Variants in TRIM47 observed in about 807,000 individuals in gnomAD.
TRIM47 encodes the protein tripartite motif containing 47.
Under a neutral mutation model 54.4 loss-of-function variants are expected in TRIM47, and 46 were observed. The ratio of observed to expected loss-of-function variants is 0.84; its 90% CI spans 0.67 to 1.08. TRIM47 has a LOEUF of 1.08. Ranked by LOEUF, TRIM47 falls within the 50% of genes least tolerant of loss-of-function variation. The pLI is 0.00. For synonymous variants in TRIM47, 392 were observed against 410.2 expected (o/e 0.96, Z 0.54); for missense variants, 825 against 910.1 (o/e 0.91, Z 1.20).
Position 75,878,205 on chromosome 17 carries a change from CAGGGGGCCG to C in TRIM47, c.335_343del (p.Ser112_Pro114del). 8.1e-7 allele frequency: 1 copy of C among 1,227,928 alleles called. No individual in the cohort carries two copies. Among genetic ancestry groups the C allele is most frequent in the Non-Finnish European group, 1.0e-6 (1 of 985,806 alleles). 76.1% of individuals were successfully genotyped at this position (1,227,928 alleles called of 1,614,324 possible). On this transcript the variant is annotated inframe_deletion, in exon 1 of 6. Coordinates refer to ENST00000254816, the MANE Select transcript of TRIM47 (RefSeq NM_033452.3). The stretch of plus-strand genomic sequence containing the variant: ...GCCCGCGGGCCACGGCTCGGGAGCG[CAGGGGGCCG>C]ACGGCTCCGGGACACTGGGCAGCGC...
chr17:75,874,575 G>A lies in TRIM47; in HGVS notation c.1825C>T (p.Leu609Phe), dbSNP rs1481733052. ...SHFAGLFTHR[L>F]KPAFFLESVD... ...CTCTCCAGGAAGAAGGCAGGCTTGAGTCTGTGGGTGAAGAGCCCCGCAAAG... is the reference window on the plus strand; with the variant it reads ...CTCTCCAGGAAGAAGGCAGGCTTGAATCTGTGGGTGAAGAGCCCCGCAAAG... Residue 609 changes from leucine (L) to phenylalanine (F), a missense_variant, in exon 6 of 6, where the codon CTC becomes TTC. Physicochemically the swap from Leu to Phe is conservative, Grantham distance 22 (BLOSUM62 0). Coordinates refer to ENST00000254816, the MANE Select transcript of TRIM47 (RefSeq NM_033452.3). This position sits in a 1 kb window ranked among gnomAD's most constrained non-coding sequence, Gnocchi z 6.2. 1 of 1,537,772 alleles carries A rather than the reference G, an allele frequency of 6.5e-7. No individual in the cohort carries two copies. The highest frequency in any genetic ancestry group is 1.3e-5 in the South Asian group (1 of 78,954).
At chr17:75,876,863 C>G (rs1410764665) in intron 1 of TRIM47, 50 bp from the exon 2 acceptor site, 1 of 1,584,196 alleles carries the variant, frequency 6.3e-7, no homozygotes, top group Non-Finnish European at 8.6e-7. Flanking sequence ...GGCCACAGCC[C>G]TACACTCGGG....
Position 75,875,449 on chromosome 17 carries a change from C to T in TRIM47, c.1227G>A (p.Glu409=), listed in dbSNP as rs1278593700. The T allele has an allele frequency of 1.2e-6, 2 of 1,614,086 alleles. No individual in the cohort carries two copies. The highest frequency in any genetic ancestry group is 2.7e-5 in the African/African-American group (2 of 75,016). The change falls in exon 5 of 6, where the codon GAG becomes GAA. Residue 409 remains glutamate, a synonymous_variant. Transcript: ENST00000254816. This position sits in a 1 kb window ranked among gnomAD's most constrained non-coding sequence, Gnocchi z 6.1. ...CTTCACTCTCCAAGAGGTTCGTACT[C>T]TCGAGGTCTTGGGGCTCAGCATCAG... ...SEADAEPQDL[E]STNLLESEAP...
rs751573736 is a variant in TRIM47, at chr17:75,876,791, C to G, written c.698G>C (p.Ser233Thr). 2.5e-5 allele frequency: 41 copies of G among 1,614,032 alleles called. No homozygotes were observed. The highest frequency in any genetic ancestry group is 3.1e-5 in the Non-Finnish European group (36 of 1,180,036). ...LQEAEQSKVLSAVEDRMDELG... is the reference protein window; with the variant it reads ...LQEAEQSKVLTAVEDRMDELG... ...CTCGTCCATGCGGTCCTCCACGGCG[C>G]TCAGGACTTTGGACTGCTCAGCCTG... Residue 233 changes from serine (S) to threonine (T), a missense_variant, in exon 2 of 6, where the codon AGC becomes ACC. Coordinates refer to ENST00000254816, the MANE Select transcript of TRIM47 (RefSeq NM_033452.3).
In TRIM47 at chr17:75,878,189, C is replaced by G; in HGVS notation, c.360G>C (p.Trp120Cys). 1 of 1,228,662 alleles carries G rather than the reference C, an allele frequency of 8.1e-7. No homozygotes were observed. Among genetic ancestry groups the G allele is most frequent in the Non-Finnish European group, 1.0e-6 (1 of 986,214 alleles). 76.1% of individuals were successfully genotyped at this position (1,228,662 alleles called of 1,614,324 possible). The change falls in exon 1 of 6, where the codon TGG (tryptophan) becomes TGC (cysteine). Residue 120 changes from tryptophan (W) to cysteine (C), a missense_variant. By Grantham distance (215) the Trp-to-Cys change is radical. Coordinates refer to ENST00000254816, the MANE Select transcript of TRIM47 (RefSeq NM_033452.3). ...EPSAPCAPEP[W>C]PAGEEPVRCD... ...AGCGCACTGGCTCTTCGCCCGCGGGCCACGGCTCGGGAGCGCAGGGGGCCG... is the reference window on the plus strand; with the variant it reads ...AGCGCACTGGCTCTTCGCCCGCGGGGCACGGCTCGGGAGCGCAGGGGGCCG...
At chr17:75,877,653 C>G (rs2143977992) in intron 1 of TRIM47, 9 of 1,225,446 alleles carry the variant, frequency 7.3e-6, no homozygotes, top group Non-Finnish European at 8.1e-6. Context: ...GCCCGCTCTT[C>G]GCGTCCTTGT....
rs1274475127 is a variant in TRIM47, at chr17:75,878,089, CG to C, written c.459del (p.Ala154ArgfsTer24). 7.5e-7 allele frequency: 1 copy of C among 1,332,172 alleles called. No individual in the cohort carries two copies. The highest frequency in any genetic ancestry group is 9.6e-7 in the Non-Finnish European group (1 of 1,045,820). The allele number at this position is 1,332,172 out of a possible 1,614,324, so 82.5% of individuals were successfully genotyped here. ...SCLSCLASFC[P>X]AHLGPHERSP... The stretch of plus-strand genomic sequence containing the variant: ...CTGCGCTCGTGCGGGCCCAGGTGCG[CG>C]GGGCAAAAGGAGGCGAGGCAGGAGA... On this transcript the variant is annotated frameshift_variant, in exon 1 of 6. Coordinates refer to ENST00000254816, the MANE Select transcript of TRIM47 (RefSeq NM_033452.3). LOFTEE classifies it high-confidence loss of function.
Position 75,875,957 on chromosome 17 carries a change from T to C in TRIM47, c.1145A>G (p.Glu382Gly). ...MLAVACVNQW[E>G]QLRGPGGNED... ...GTTGCCACCCGGCCCCCTCAGCTGC[T>C]CCCACTGGTTGACGCAGGCCACGGC... The change falls in exon 4 of 6, where the codon GAG (glutamate) becomes GGG (glycine). Residue 382 changes from glutamate to glycine, a missense_variant. By Grantham distance (98) the Glu-to-Gly change is moderately conservative. Transcript: ENST00000254816. This position sits in a 1 kb window ranked among gnomAD's most constrained non-coding sequence, Gnocchi z 6.1. 6.2e-7 allele frequency: 1 copy of C among 1,610,690 alleles called. No homozygotes were observed. The highest frequency in any genetic ancestry group is 8.5e-7 in the Non-Finnish European group (1 of 1,179,968).
rs1203096376 is a variant in TRIM47 at position 75,875,111 on chromosome 17, A to G, written c.1289T>C (p.Val430Ala). 2.5e-6 allele frequency: 4 copies of G among 1,596,820 alleles called. No individual in the cohort carries two copies. The East Asian group carries it at 9.0e-5, about 36-fold the overall frequency. The change falls in exon 6 of 6, where the codon GTG (valine) becomes GCG (alanine). Residue 430 changes from valine (V) to alanine (A), a missense_variant. Val to Ala is a moderately conservative substitution (Grantham distance 64). Transcript: ENST00000254816. This position sits in a 1 kb window ranked among gnomAD's most constrained non-coding sequence, Gnocchi z 6.1. Reference sequence around the variant, plus strand: ...GTCTGCTGTGTCGCTGTCCAAATCCACAATATAGGCAACTGATCCCGTGGA... The same window carrying G: ...GTCTGCTGTGTCGCTGTCCAAATCCGCAATATAGGCAACTGATCCCGTGGA... ...RDYFLKFAYIVDLDSDTADKF... is the reference protein window; with the variant it reads ...RDYFLKFAYIADLDSDTADKF...
At position 75,878,425 on chromosome 17, in the gene TRIM47, C is replaced by A; in HGVS notation, c.124G>T (p.Ala42Ser). ...CCTCCGGGTCCGCCGGCTCCACTCG[C>A]GCCACGATGCGGCCAGAGCGCGCCC... ...CLGALWPHRG[A>S]SGAGGPGGAA... The change falls in exon 1 of 6, where the codon GCG (alanine) becomes TCG (serine). Residue 42 changes from alanine (A) to serine (S), a missense_variant. Transcript: ENST00000254816. The A allele has an allele frequency of 7.0e-7, 1 of 1,429,522 alleles. No individual in the cohort carries two copies. Among genetic ancestry groups the A allele is most frequent in the East Asian group, 3.0e-5 (1 of 33,140 alleles). 88.6% of individuals were successfully genotyped at this position (1,429,522 alleles called of 1,614,324 possible).
In TRIM47 at chr17:75,875,150, C is replaced by A; in HGVS notation, c.1277-27G>T. The stretch of plus-strand genomic sequence containing the variant: ...TGATCCCGTGGACAGAAGAGAGAGG[C>A]AGGGCTCAGGGCCAGGCTCAGAGGG... On this transcript the variant is annotated intron_variant, in intron 5 of 5. Transcript: ENST00000254816. The surrounding 1 kb of genome is among the most constrained non-coding windows in gnomAD (Gnocchi z 6.1). 6.4e-7 allele frequency: 1 copy of A among 1,562,328 alleles called. No individual in the cohort carries two copies. The highest frequency in any genetic ancestry group is 1.2e-5 in the South Asian group (1 of 82,590).
intron 3 of TRIM47, 21 bp from the exon 4 acceptor site, chr17:75,876,120 T>C (rs372316419): frequency 1.7e-5 from 27 of 1,596,554 alleles, no homozygotes; most frequent in Non-Finnish European, 2.2e-5. Context: ...CAAATGCCCA[T>C]TAAAGTGCTG....
chr17:75,878,033 C>A lies in TRIM47; in HGVS notation c.516G>T (p.Pro172=). The change falls in exon 1 of 6, where the codon CCG becomes CCT. Residue 172 remains proline (P), a synonymous_variant. Transcript: ENST00000254816. Reference sequence around the variant, plus strand: ...GGCTCTCCTCTAGCCGGCGCAGCGGCGGCACCAGGCGGTGTCCGCGGAGGG... The same window carrying A: ...GGCTCTCCTCTAGCCGGCGCAGCGGAGGCACCAGGCGGTGTCCGCGGAGGG... ...SPALRGHRLV[P]PLRRLEESLC... 1 of 1,415,052 alleles carries A rather than the reference C, an allele frequency of 7.1e-7. No homozygotes were observed. The highest frequency in any genetic ancestry group is 9.2e-7 in the Non-Finnish European group (1 of 1,087,726). The allele number at this position is 1,415,052 out of a possible 1,614,324, so 87.7% of individuals were successfully genotyped here.
Position 75,875,458 on chromosome 17 carries a change from T to C in TRIM47, c.1218A>G (p.Gln406=). 6.2e-7 allele frequency: 1 copy of C among 1,614,090 alleles called. No individual in the cohort carries two copies. Among genetic ancestry groups the C allele is most frequent in the Non-Finnish European group, 8.5e-7 (1 of 1,179,976 alleles). Reference sequence around the variant, plus strand: ...CCAAGAGGTTCGTACTCTCGAGGTCTTGGGGCTCAGCATCAGCTGTAGAAG... The same window carrying C: ...CCAAGAGGTTCGTACTCTCGAGGTCCTGGGGCTCAGCATCAGCTGTAGAAG... ...KLDSEADAEP[Q]DLESTNLLES... Residue 406 remains glutamine, a synonymous_variant, in exon 5 of 6, where the codon CAA becomes CAG. Transcript: ENST00000254816. The surrounding 1 kb of genome is among the most constrained non-coding windows in gnomAD (Gnocchi z 6.1).
In TRIM47 at chr17:75,874,643, G is replaced by A. The variant is rs751883252; in HGVS notation, c.1757C>T (p.Pro586Leu). 8 of 1,589,782 alleles carry A rather than the reference G, an allele frequency of 5.0e-6. No individual in the cohort carries two copies. The highest frequency in any genetic ancestry group is 2.2e-5 in the East Asian group (1 of 44,450). ...KASRPRRGGI[P>L]ASPIDPFQSR... ...CTGGAAGGGGTCAATGGGGGAGGCC[G>A]GGATGCCACCCCGGCGGGGCCGGGA... Residue 586 changes from proline (P) to leucine (L), a missense_variant, in exon 6 of 6, where the codon CCG becomes CTG. Coordinates refer to ENST00000254816, the MANE Select transcript of TRIM47 (RefSeq NM_033452.3). This position sits in a 1 kb window ranked among gnomAD's most constrained non-coding sequence, Gnocchi z 6.2.
In TRIM47 at chr17:75,876,500, GGAC is replaced by G; in HGVS notation, c.772-11_772-9del. 3.1e-6 allele frequency: 5 copies of G among 1,591,848 alleles called. No homozygotes were observed. The highest frequency in any genetic ancestry group is 4.3e-6 in the Non-Finnish European group (5 of 1,170,776). ...CTCTGCTACGGCTGCACTCTGCACA[GGAC>G]GACAGTAGAGGGGGCAATGAGGGCA... is the stretch of plus-strand genomic sequence containing the variant. On this transcript the variant is annotated splice_polypyrimidine_tract_variant and intron_variant, in intron 2 of 5. Coordinates refer to ENST00000254816, the MANE Select transcript of TRIM47 (RefSeq NM_033452.3).
Position 75,874,595 on chromosome 17 carries a change from G to A in TRIM47, c.1805C>T (p.Ala602Val), listed in dbSNP as rs1019399084. 8.4e-6 allele frequency: 13 copies of A among 1,549,716 alleles called. No homozygotes were observed. Among genetic ancestry groups the A allele is most frequent in the Admixed American group, 2.1e-5 (1 of 48,468 alleles). ...CTTGAGTCTGTGGGTGAAGAGCCCCGCAAAGTGACTGTCCAGGCGGCTCTG... is the reference window on the plus strand; with the variant it reads ...CTTGAGTCTGTGGGTGAAGAGCCCCACAAAGTGACTGTCCAGGCGGCTCTG... ...PFQSRLDSHF[A>V]GLFTHRLKPA... Residue 602 changes from alanine (A) to valine (V), a missense_variant, in exon 6 of 6, where the codon GCG (alanine) becomes GTG (valine). Transcript: ENST00000254816. This position sits in a 1 kb window ranked among gnomAD's most constrained non-coding sequence, Gnocchi z 6.2.
Position 75,874,405 on chromosome 17 carries a change from C to T in TRIM47, c.*78G>A. The T allele has an allele frequency of 7.2e-7, 1 of 1,389,986 alleles. No individual in the cohort carries two copies. The highest frequency in any genetic ancestry group is 9.6e-7 in the Non-Finnish European group (1 of 1,042,744). 86.1% of individuals were successfully genotyped at this position (1,389,986 alleles called of 1,614,324 possible). On this transcript the variant is annotated 3_prime_UTR_variant, in exon 6 of 6. Coordinates refer to ENST00000254816, the MANE Select transcript of TRIM47 (RefSeq NM_033452.3). The surrounding 1 kb of genome is among the most constrained non-coding windows in gnomAD (Gnocchi z 6.2). ...GGGTGTGTGGGACTCATGCTGGTGC[C>T]TTCCCAGACGAAGGAGAGGGCCCAG...
At position 75,878,328 on chromosome 17, in the gene TRIM47, G is replaced by C; in HGVS notation, c.221C>G (p.Ser74Cys). 4 of 1,306,142 alleles carry C rather than the reference G, an allele frequency of 3.1e-6. No individual in the cohort carries two copies. In the South Asian group the frequency reaches 8.1e-5, roughly 26 times the overall value. The allele number at this position is 1,306,142 out of a possible 1,614,324, so 80.9% of individuals were successfully genotyped here. A position where few individuals can be genotyped will look rare whatever the true frequency, so the allele number is the denominator to read the frequency against. The change falls in exon 1 of 6, where the codon TCC (serine) becomes TGC (cysteine). Residue 74 changes from serine (S) to cysteine (C), a missense_variant. Physicochemically the swap from Ser to Cys is moderately radical, Grantham distance 112 (BLOSUM62 -1). Coordinates refer to ENST00000254816, the MANE Select transcript of TRIM47 (RefSeq NM_033452.3). ...GCCCTGGCGGAGCTGCAGCAGCTCG[G>C]ACAGCGTGTGGTTCTTGCGGAGCTG... ...GLQLRKNHTL[S>C]ELLQLRQGSG...
Sources: gnomAD v4.1 joint callset for allele counts on GRCh38, gnomAD v4.1.1 for gene constraint, Gnocchi (gnomAD v3.1) non-coding constraint, MANE v1.5 for transcripts, NCBI Gene and HGNC (gene_info 2026-07-23, HGNC 2026-07-21) for gene names.